Variants in ODAD2 observed in about 807,000 individuals in gnomAD.
ODAD2 encodes the protein outer dynein arm-docking complex subunit 2.
Under a neutral mutation model 106.8 loss-of-function variants are expected in ODAD2, and 89 were observed. The observed-to-expected ratio is 0.83, with a 90% CI of 0.70 to 0.99. The LOEUF is 0.99. ODAD2 is among the 50% of genes least tolerant of loss of function. The pLI is 0.00. For synonymous variants in ODAD2, 404 were observed against 436.2 expected (o/e 0.93, Z 0.92); for missense variants, 1,168 against 1,238.5 (o/e 0.94, Z 0.85).
At chr10:27,846,033 A>G (rs1267073943) in intron 19 of ODAD2, among the ~76,000 whole-genome samples, 4 of 152,148 alleles carry the variant, frequency 2.6e-5, no homozygotes, top group African/African-American at 9.7e-5. Flanking sequence ...AAGTTAACAA[A>G]GATATCCAGG....
At chr10:27,851,345 GA>G (rs997190585) in intron 19 of ODAD2, among the ~76,000 whole-genome samples, 4 of 152,066 alleles carry the variant, frequency 2.6e-5, no homozygotes, top group Admixed American at 6.6e-5. Flanking sequence ...CAAAGCTCGG[GA>G]ATATTTATAG....
upstream of ODAD2, among the ~76,000 whole-genome samples, chr10:27,999,448 C>CA (rs113706952): frequency 0.081 from 12,279 of 151,876 alleles, 678 homozygotes; most frequent in East Asian, 0.27. Context: ...TGTTTCTCTC[C>CA]AAAAAAACAA....
chr10:27,935,295 G>A, intron 15 of ODAD2, 43 bp from the exon 16 acceptor site: 1 of 1,605,626 alleles, frequency 6.2e-7, no homozygotes, highest in Non-Finnish European at 8.5e-7. Context: ...TTTTGTATAA[G>A]GTTTGCTAAA....
chr10:27,940,836 G>A (rs1488705722), intron 12 of ODAD2, 31 bp from the exon 13 acceptor site: 2 of 1,596,628 alleles, frequency 1.3e-6, no homozygotes, highest in East Asian at 2.2e-5. Flanking sequence ...AATGTTCATG[G>A]AAATCTTAAA....
chr10:27,862,983 A>G (rs1840163160), intron 17 of ODAD2, among the ~76,000 whole-genome samples: 1 of 152,240 alleles, frequency 6.6e-6, no homozygotes, highest in South Asian at 2.1e-4. Flanking sequence ...CAAACACTGA[A>G]TCAGCCAATA....
At chr10:27,958,398 ATAT>A (rs1376785905) in intron 10 of ODAD2, among the ~76,000 whole-genome samples, 1 of 152,136 alleles carries the variant, frequency 6.6e-6, no homozygotes, top group African/African-American at 2.4e-5. Context: ...CACTGGGAGG[ATAT>A]TATTGAGGCT....
At chr10:27,966,163 G>A (rs539137061) in intron 9 of ODAD2, among the ~76,000 whole-genome samples, 3 of 152,278 alleles carry the variant, frequency 2.0e-5, no homozygotes, top group African/African-American at 4.8e-5. Flanking sequence ...GCCAATTTGT[G>A]TGTAAAACAC....
At chr10:27,882,300 AT>A (rs934368079) in intron 17 of ODAD2, among the ~76,000 whole-genome samples, 55 of 151,880 alleles carry the variant, frequency 3.6e-4, no homozygotes, top group Non-Finnish European at 5.7e-4. Flanking sequence ...CTGGAATAAA[AT>A]TTTTTTTTAA....
intron 17 of ODAD2, chr10:27,904,405 G>A (rs758701214): frequency 1.7e-4 from 29 of 166,270 alleles, no homozygotes; most frequent in South Asian, 3.0e-4. Flanking sequence ...AAGCCCAGCA[G>A]GTGGAGGTTA....
intron 10 of ODAD2, among the ~76,000 whole-genome samples, chr10:27,950,111 A>G (rs940566308): frequency 3.3e-5 from 5 of 152,148 alleles, no homozygotes; most frequent in African/African-American, 1.2e-4. Context: ...AATCGGCACC[A>G]CTATCACATG....
intron 19 of ODAD2, among the ~76,000 whole-genome samples, chr10:27,834,331 A>AG (rs1344625357): frequency 6.6e-6 from 1 of 152,150 alleles, no homozygotes; most frequent in African/African-American, 2.4e-5. Context: ...GCTGCTCCAA[A>AG]GGCGCTATCC....
chr10:27,828,711 C>T (rs1310514651), intron 19 of ODAD2, among the ~76,000 whole-genome samples: 1 of 152,108 alleles, frequency 6.6e-6, no homozygotes, highest in Non-Finnish European at 1.5e-5. Flanking sequence ...AGAAGCTTTC[C>T]ATGAAATAAT....
intron 19 of ODAD2, among the ~76,000 whole-genome samples, chr10:27,830,671 T>C (rs1412294318): frequency 2.6e-5 from 4 of 152,220 alleles, no homozygotes; most frequent in African/African-American, 9.6e-5. Context: ...TATGTTATAC[T>C]GACTCGTCTG....
intron 2 of ODAD2, among the ~76,000 whole-genome samples, chr10:27,989,268 G>T (rs555007591): frequency 1.3e-5 from 2 of 152,298 alleles, no homozygotes; most frequent in South Asian, 4.1e-4. Flanking sequence ...GTCCGATTCT[G>T]CTGGGTGCAG....
Position 27,900,657 on chromosome 10 carries a change from C to T in ODAD2, c.2610+7006G>A, listed in dbSNP as rs941401444. 3.9e-5 allele frequency among the ~76,000 whole-genome samples: 6 copies of T among 152,136 alleles called. 1 individual carries two copies. In the Middle Eastern group the frequency reaches 0.014, roughly 345 times the overall value. On this transcript the variant is annotated intron_variant, in intron 17 of 19. Coordinates refer to ENST00000305242, the MANE Select transcript of ODAD2 (RefSeq NM_018076.5). ...GCTGAAAAACACGGCAAAAGAACTT[C>T]GTGAAGCATACACAAGTACCAATAG...
chr10:27,829,136 T>C (rs1174409805), intron 19 of ODAD2, among the ~76,000 whole-genome samples: 2 of 152,318 alleles, frequency 1.3e-5, no homozygotes, highest in East Asian at 3.9e-4. Context: ...AATCCTTTTG[T>C]TAAGCTATTT....
At chr10:27,945,513 C>T (rs114915457) in intron 10 of ODAD2, among the ~76,000 whole-genome samples, 2,388 of 152,068 alleles carry the variant, frequency 0.016, 43 homozygotes, top group African/African-American at 0.055. Flanking sequence ...ATGGGCAGGA[C>T]GAAGAAGAAA....
In ODAD2 at chr10:27,969,028, A is replaced by C. The variant is rs201844076; in HGVS notation, c.1143-10T>G. 6.8e-3 allele frequency: 4,022 copies of C among 595,022 alleles called. 39 individuals are homozygous for C. The African/African-American group carries it at 0.07, about 10-fold the overall frequency. The allele number at this position is 595,022 out of a possible 1,614,324, so 36.9% of individuals were successfully genotyped here. On this transcript the variant is annotated splice_polypyrimidine_tract_variant and intron_variant, in intron 8 of 19. Coordinates refer to ENST00000305242, the MANE Select transcript of ODAD2 (RefSeq NM_018076.5). ...TTTTGCTGAGCCTTTGCTTTAAAAA[A>C]ATATACAAATATATTAGCTTTATTG...
chr10:27,864,278 G>A (rs1048824074), intron 17 of ODAD2, among the ~76,000 whole-genome samples: 5 of 150,570 alleles, frequency 3.3e-5, no homozygotes, highest in African/African-American at 1.2e-4. Flanking sequence ...GGAAGAGCTG[G>A]GTTTGGTTTG....
Sources: allele counts gnomAD v4.1 joint callset (sites outside exome capture counted in the v4.1 genomes callset), GRCh38; gene constraint gnomAD v4.1.1; transcripts MANE v1.5; gene names NCBI Gene and HGNC (gene_info 2026-07-23, HGNC 2026-07-21).